PLEKHA7: variants seen among roughly 807,000 people sequenced by gnomAD.
The protein encoded by PLEKHA7 is pleckstrin homology domain containing A7, also known as pleckstrin homology domain-containing family A member 7.
PLEKHA7 carries 104 observed loss-of-function variants against 170.0 expected under a neutral mutation model. The observed-to-expected ratio is 0.61, with a 90% CI of 0.52 to 0.72. The LOEUF is 0.72. Ranked by LOEUF, PLEKHA7 falls within the 30% of genes least tolerant of loss-of-function variation. The pLI, the probability that PLEKHA7 is intolerant of heterozygous loss-of-function variation, is 0.00. For synonymous variants in PLEKHA7, 648 were observed against 660.8 expected (o/e 0.98, Z 0.30); for missense variants, 1,615 against 1,671.7 (o/e 0.97, Z 0.59).
intron 9 of PLEKHA7, among the ~76,000 whole-genome samples, chr11:16,836,754 C>A (rs1171616042): frequency 1.3e-5 from 2 of 151,402 alleles, no homozygotes; most frequent in African/African-American, 4.8e-5. Flanking sequence ...GACTCAGAAG[C>A]TGGAAAAACT....
In PLEKHA7 at chr11:16,791,824, T is replaced by C. The variant is rs1847878200; in HGVS notation, c.2746-625A>G. The C allele has an allele frequency of 2.6e-6, 1 of 382,310 alleles. No homozygotes were observed. Among genetic ancestry groups the C allele is most frequent in the East Asian group, 7.3e-5 (1 of 13,732 alleles). The allele number at this position is 382,310 out of a possible 1,614,324, so 23.7% of individuals were successfully genotyped here. A position where few individuals can be genotyped will look rare whatever the true frequency, so the allele number is the denominator to read the frequency against. On this transcript the variant is annotated intron_variant, in intron 19 of 26. Coordinates refer to ENST00000531066, the MANE Select transcript of PLEKHA7 (RefSeq NM_001329630.2). The surrounding 1 kb of genome is among the most constrained non-coding windows in gnomAD (Gnocchi z 4.5). ...CTACCATGCAGTTCATTCCCTAGAA[T>C]GTGATGAATGCAACATTTTCCTTGA...
At chr11:16,787,141 G>A (rs775949987) in intron 23 of PLEKHA7, 204 of 985,302 alleles carry the variant, frequency 2.1e-4, no homozygotes, top group Admixed American at 3.1e-4. Flanking sequence ...GTCCAGCTCC[G>A]TGGTGACTTC....
chr11:16,803,901 CTG>C (rs1239175704), intron 13 of PLEKHA7, among the ~76,000 whole-genome samples: 2 of 152,164 alleles, frequency 1.3e-5, no homozygotes, highest in African/African-American at 4.8e-5. Context: ...TAATTGTTCC[CTG>C]AATAACTGAG....
chr11:16,994,304 G>A (rs1014703064), intron 3 of PLEKHA7, among the ~76,000 whole-genome samples: 2 of 152,180 alleles, frequency 1.3e-5, no homozygotes, highest in African/African-American at 2.4e-5. Context: ...GGGCTACCTG[G>A]AGTTGCAGTT....
chr11:16,865,805 G>A (rs1416981120), intron 4 of PLEKHA7, among the ~76,000 whole-genome samples: 1 of 152,054 alleles, frequency 6.6e-6, no homozygotes, highest in Non-Finnish European at 1.5e-5. Context: ...GTTTATTAAG[G>A]GTAACGATTA....
At chr11:16,953,786 CAT>C (rs1861542443) in intron 3 of PLEKHA7, among the ~76,000 whole-genome samples, 2 of 152,158 alleles carry the variant, frequency 1.3e-5, no homozygotes, top group Admixed American at 6.5e-5. Flanking sequence ...TCTGTTCAAA[CAT>C]ATGAAAAGTC....
rs141805400 is a variant in PLEKHA7, at chr11:16,819,102, C to T, written c.1344-1780G>A. Among the ~76,000 whole-genome samples, 106 of 148,638 alleles carry T rather than the reference C, an allele frequency of 7.1e-4. 1 individual carries two copies. In the Middle Eastern group the frequency reaches 0.018, roughly 25 times the overall value. Reference sequence around the variant, plus strand: ...ACAGGAGTGAGCCACCATGCCTGGCCGCCATCTTATTTTCTTCTGGAGTCT... The same window carrying T: ...ACAGGAGTGAGCCACCATGCCTGGCTGCCATCTTATTTTCTTCTGGAGTCT... On this transcript the variant is annotated intron_variant, in intron 10 of 26. Coordinates refer to ENST00000531066, the MANE Select transcript of PLEKHA7 (RefSeq NM_001329630.2).
Position 17,014,157 on chromosome 11 carries a change from TC to T in PLEKHA7, c.130del (p.Glu44SerfsTer8). The T allele has an allele frequency of 6.2e-7, 1 of 1,601,154 alleles. No homozygotes were observed. The highest frequency in any genetic ancestry group is 8.5e-7 in the Non-Finnish European group (1 of 1,175,464). On this transcript the variant is annotated frameshift_variant, in exon 2 of 27. Transcript: ENST00000531066. LOFTEE classifies it high-confidence loss of function. ...GATCATGTGGCCCGAGTTGACGGGC[TC>T]CCCGGTGCGCGGATGCAGCCAGGTC... ...CTTWLHPRTG[E>X]PVNSGHMIRS...
In PLEKHA7 at chr11:16,840,029, CAG is replaced by C. The variant is rs560622552; in HGVS notation, c.872+1516_872+1517del. On this transcript the variant is annotated intron_variant, in intron 9 of 26. Coordinates refer to ENST00000531066, the MANE Select transcript of PLEKHA7 (RefSeq NM_001329630.2). ...TGAGGTAAGCCCCGCAGGCTACTGG[CAG>C]AGTCTTTCAGATCATTATTATGGAA... is the stretch of plus-strand genomic sequence containing the variant. Among the ~76,000 whole-genome samples the C allele has an allele frequency of 2.5e-3, 374 of 152,208 alleles. 3 individuals are homozygous for C. The highest frequency in any genetic ancestry group is 6.8e-3 in the Middle Eastern group (2 of 294).
intron 6 of PLEKHA7, among the ~76,000 whole-genome samples, chr11:16,853,300 T>C (rs1460976024): frequency 6.6e-6 from 1 of 152,238 alleles, no homozygotes; most frequent in African/African-American, 2.4e-5. Context: ...AAATACAGCA[T>C]AAGGATTGTT....
chr11:16,963,898 A>G (rs1862213747), intron 3 of PLEKHA7, among the ~76,000 whole-genome samples: 1 of 152,230 alleles, frequency 6.6e-6, no homozygotes, highest in Admixed American at 6.5e-5. Context: ...ATGTTGTGCA[A>G]CCAACGCCAC....
intron 3 of PLEKHA7, among the ~76,000 whole-genome samples, chr11:16,959,368 G>A (rs927270183): frequency 6.6e-6 from 1 of 152,150 alleles, no homozygotes; most frequent in African/African-American, 2.4e-5. Context: ...AAAAAAACAT[G>A]ACAACTGGAA....
chr11:16,995,844 T>C (rs1015190337), intron 3 of PLEKHA7, among the ~76,000 whole-genome samples: 4 of 152,162 alleles, frequency 2.6e-5, no homozygotes, highest in Admixed American at 6.5e-5. Flanking sequence ...GTAATTAGGA[T>C]GCAGGTGTGG....
At chr11:16,832,953 A>G (rs1029727355) in intron 9 of PLEKHA7, among the ~76,000 whole-genome samples, 16 of 152,202 alleles carry the variant, frequency 1.1e-4, no homozygotes, top group African/African-American at 3.9e-4. Context: ...CTCTGGGCAT[A>G]ATCAATAGAC....
At chr11:16,933,476 AGTGCCAACAGGACTCAC>A (rs1189828528) in intron 3 of PLEKHA7, among the ~76,000 whole-genome samples, 5 of 152,238 alleles carry the variant, frequency 3.3e-5, no homozygotes, top group Non-Finnish European at 7.3e-5. Context: ...TGTTAGTGGT[AGTGCCAACAGGACTCAC>A]TGATGGGATT....
chr11:16,978,904 C>T (rs896659981), intron 3 of PLEKHA7, among the ~76,000 whole-genome samples: 65 of 152,202 alleles, frequency 4.3e-4, no homozygotes, highest in African/African-American at 1.4e-3. Context: ...TTGTCTCCCA[C>T]GCCCACACCC....
chr11:16,953,080 G>C (rs1861504305), intron 3 of PLEKHA7, among the ~76,000 whole-genome samples: 1 of 152,256 alleles, frequency 6.6e-6, no homozygotes, highest in African/African-American at 2.4e-5. Flanking sequence ...GGAGGTCAAA[G>C]AAAAGTTTCA....
At chr11:16,930,877 T>G (rs1859874994) in intron 3 of PLEKHA7, among the ~76,000 whole-genome samples, 1 of 152,168 alleles carries the variant, frequency 6.6e-6, no homozygotes, top group Non-Finnish European at 1.5e-5. Context: ...ACTGGAGAGC[T>G]GGCCAGTGCC....
chr11:16,926,902 G>T (rs1859591023), intron 3 of PLEKHA7, among the ~76,000 whole-genome samples: 1 of 152,222 alleles, frequency 6.6e-6, no homozygotes, highest in African/African-American at 2.4e-5. Context: ...CTGCAAAAGA[G>T]CGCTGTACAG....
Sources: allele counts gnomAD v4.1 joint callset (sites outside exome capture counted in the v4.1 genomes callset), GRCh38; gene constraint gnomAD v4.1.1; non-coding constraint Gnocchi (gnomAD v3.1); transcripts MANE v1.5; gene names NCBI Gene and HGNC (gene_info 2026-07-23, HGNC 2026-07-21).